The following ZFHX3 variants were observed in gnomAD, a reference collection of about 807,000 sequenced individuals.
The protein encoded by ZFHX3 is zinc finger homeobox protein 3.
A neutral mutation model predicts 279.1 loss-of-function variants in ZFHX3; 42 were observed. The observed-to-expected ratio is 0.15, with a 90% CI of 0.12 to 0.19. The LOEUF (loss-of-function observed/expected upper bound fraction) is 0.19. Among genes scored for constraint, ZFHX3 ranks in the 10% least tolerant of loss-of-function variants. The probability of loss-of-function intolerance (pLI) is 1.00; values close to 1 mark genes in which losing one functional copy is unlikely to be tolerated. For synonymous variants in ZFHX3, 2,293 were observed against 1,957.8 expected (o/e 1.17, Z -4.52); for missense variants, 4,981 against 4,754.0 (o/e 1.05, Z -1.40).
chr16:72,918,193 G>A (rs761901646), intron 3 of ZFHX3, among the ~76,000 whole-genome samples: 2 of 152,188 alleles, frequency 1.3e-5, no homozygotes, highest in Non-Finnish European at 2.9e-5. Context: ...CATCATTCAA[G>A]GGACCTGTCA....
At chr16:73,757,997 T>C (rs1467780816) in intron 1 of ZFHX3, among the ~76,000 whole-genome samples, 1 of 152,196 alleles carries the variant, frequency 6.6e-6, no homozygotes, top group African/African-American at 2.4e-5. Context: ...AAGTTTCAAA[T>C]ACCCCAGGTA....
In ZFHX3 at chr16:72,796,237, G is replaced by A. The variant is rs2143428376; in HGVS notation, c.6445C>T (p.Arg2149Cys). The change falls in exon 9 of 10, where the codon CGC becomes TGC. Residue 2149 changes from arginine (R) to cysteine (C), a missense_variant. By Grantham distance (180) the Arg-to-Cys change is radical (BLOSUM62 -3). Transcript: ENST00000268489. Reference sequence around the variant, plus strand: ...AGCTGATCATCTGTGATCCTGGTGCGAGGCCTCTTGTTCTGCTGCTGGAGC... The same window carrying A: ...AGCTGATCATCTGTGATCCTGGTGCAAGGCCTCTTGTTCTGCTGCTGGAGC... ...TLLQQQNKRP[R>C]TRITDDQLRV... is the part of the protein sequence containing the mutation. 6.2e-7 allele frequency: 1 copy of A among 1,614,084 alleles called. No homozygotes were observed. The highest frequency in any genetic ancestry group is 8.5e-7 in the Non-Finnish European group (1 of 1,180,026).
chr16:73,421,419 T>C (rs2017716734), intron 3 of ZFHX3: 1 of 152,250 alleles, frequency 6.6e-6, no homozygotes, highest in Non-Finnish European at 1.5e-5. Flanking sequence ...TTGTGAAATG[T>C]TTTGTGATGC....
chr16:73,241,790 C>CAA (rs60214410), intron 5 of ZFHX3, among the ~76,000 whole-genome samples: 4,168 of 50,392 alleles, frequency 0.083, 293 homozygotes, highest in East Asian at 0.35. Context: ...AACTCCGTCT[C>CAA]AAAAAAAAAA....
At chr16:73,235,366 A>T (rs2012910475) in intron 5 of ZFHX3, among the ~76,000 whole-genome samples, 1 of 152,174 alleles carries the variant, frequency 6.6e-6, no homozygotes, top group East Asian at 1.9e-4. Context: ...CTACATGGTG[A>T]GGCACCATGC....
At chr16:72,948,717 C>T (rs567015104) in intron 3 of ZFHX3, among the ~76,000 whole-genome samples, 1 of 152,204 alleles carries the variant, frequency 6.6e-6, no homozygotes, top group East Asian at 1.9e-4. Context: ...CACCTCTAAA[C>T]GACCTTCATC....
intron 4 of ZFHX3, among the ~76,000 whole-genome samples, chr16:72,869,385 T>A (rs903405799): frequency 9.2e-5 from 14 of 152,208 alleles, no homozygotes; most frequent in Admixed American, 9.2e-4. Flanking sequence ...AAAGGTGTTT[T>A]TTTTTTCTTA....
chr16:73,803,138 C>T (rs1191886531), intron 1 of ZFHX3, among the ~76,000 whole-genome samples: 1 of 152,092 alleles, frequency 6.6e-6, no homozygotes, highest in Non-Finnish European at 1.5e-5. Flanking sequence ...TCCTATTAAC[C>T]AATAAGAAAG....
In ZFHX3 at chr16:72,787,715, C is replaced by CCACT; in HGVS notation, c.10560_10561insAGTG (p.Gly3521SerfsTer51). The CCACT allele has an allele frequency of 5.8e-6, 8 of 1,381,196 alleles. No individual in the cohort carries two copies. The highest frequency in any genetic ancestry group is 7.6e-6 in the Non-Finnish European group (8 of 1,057,138). The allele number at this position is 1,381,196 out of a possible 1,614,324, so 85.6% of individuals were successfully genotyped here. On this transcript the variant is annotated frameshift_variant, in exon 10 of 10. Transcript: ENST00000268489. LOFTEE classifies it high-confidence loss of function. ...TACGAGCCGCCGCCGCCGCCGCCGC[C>CCACT]GCCACCGCCGCCGCCGCCGCCACTG...
chr16:73,588,686 T>A (rs1243776111), intron 2 of ZFHX3, among the ~76,000 whole-genome samples: 1 of 130,418 alleles, frequency 7.7e-6, no homozygotes. Context: ...TGAGACTCGG[T>A]CTCAAAAACA....
chr16:73,509,188 G>C (rs1175797354), intron 2 of ZFHX3, among the ~76,000 whole-genome samples: 1 of 152,178 alleles, frequency 6.6e-6, no homozygotes, highest in Non-Finnish European at 1.5e-5. Flanking sequence ...TTCACATTTT[G>C]GCTTTGACAA....
At chr16:72,828,971 G>C (rs1367702323) in intron 5 of ZFHX3, among the ~76,000 whole-genome samples, 1 of 151,320 alleles carries the variant, frequency 6.6e-6, no homozygotes, top group Non-Finnish European at 1.5e-5. Flanking sequence ...GATTACAGGC[G>C]TGAGCCATTA....
At chr16:73,329,927 G>T (rs996599055) in intron 3 of ZFHX3, among the ~76,000 whole-genome samples, 2 of 152,102 alleles carry the variant, frequency 1.3e-5, no homozygotes, top group South Asian at 2.1e-4. Flanking sequence ...CAAAACAAAC[G>T]TCCTCAGTGG....
In ZFHX3 at chr16:72,887,955, G is replaced by A. The variant is rs943654338; in HGVS notation, c.3448+1776C>T. Among the ~76,000 whole-genome samples, 7 of 152,228 alleles carry A rather than the reference G, an allele frequency of 4.6e-5. No individual in the cohort carries two copies. The East Asian group carries it at 1.2e-3, about 25-fold the overall frequency. On this transcript the variant is annotated intron_variant, in intron 4 of 9. Coordinates refer to ENST00000268489, the MANE Select transcript of ZFHX3 (RefSeq NM_006885.4). ...GCGTGAGTCTGTGGTTGGGGTATGG[G>A]TGTAGGTGTGTACACGGGTGGGTTT...
At chr16:73,873,375 A>G (rs1039781784) in intron 1 of ZFHX3, among the ~76,000 whole-genome samples, 1 of 152,038 alleles carries the variant, frequency 6.6e-6, no homozygotes, top group Admixed American at 6.6e-5. Context: ...TTGAAAAGCA[A>G]CAAGTTCATC....
intron 8 of ZFHX3, among the ~76,000 whole-genome samples, chr16:73,067,381 C>T (rs1248176830): frequency 2.6e-5 from 4 of 152,344 alleles, no homozygotes; most frequent in African/African-American, 9.6e-5. Context: ...GCCACGGGCG[C>T]TCCTCCACCC....
chr16:73,030,110 G>C (rs1018257582), intron 1 of ZFHX3, among the ~76,000 whole-genome samples: 1 of 152,154 alleles, frequency 6.6e-6, no homozygotes, highest in African/African-American at 2.4e-5. Flanking sequence ...TTTTTTAAAA[G>C]TGGAAGACAG....
chr16:73,268,076 T>C (rs2014030345), intron 4 of ZFHX3, among the ~76,000 whole-genome samples: 1 of 152,176 alleles, frequency 6.6e-6, no homozygotes, highest in South Asian at 2.1e-4. Context: ...TGGTGATAAG[T>C]GGGAAGTCAA....
At chr16:73,508,749 C>T (rs1202029840) in intron 2 of ZFHX3, among the ~76,000 whole-genome samples, 2 of 152,156 alleles carry the variant, frequency 1.3e-5, no homozygotes, top group East Asian at 1.9e-4. Flanking sequence ...TGTCCAGACA[C>T]GAATGAATAC....
Sources: allele counts gnomAD v4.1 joint callset (sites outside exome capture counted in the v4.1 genomes callset), GRCh38; gene constraint gnomAD v4.1.1; transcripts MANE v1.5; gene names NCBI Gene and HGNC (gene_info 2026-07-23, HGNC 2026-07-21).